Variants in ENTPD1 observed in about 807,000 individuals in gnomAD.
The protein encoded by ENTPD1 is ectonucleoside triphosphate diphosphohydrolase 1, also known as ATP diphosphohydrolase.
A neutral mutation model predicts 57.0 loss-of-function variants in ENTPD1; 33 were observed. The ratio of observed to expected loss-of-function variants is 0.58; its 90% confidence interval spans 0.44 to 0.77. ENTPD1 has a LOEUF of 0.77. ENTPD1 is among the 30% of genes least tolerant of loss of function. The probability of loss-of-function intolerance (pLI) is 0.00; values close to 1 mark genes in which losing one functional copy is unlikely to be tolerated. For synonymous variants in ENTPD1, 202 were observed against 218.8 expected (o/e 0.92, Z 0.68); for missense variants, 501 against 603.4 (o/e 0.83, Z 1.78).
intron 2 of ENTPD1, among the ~76,000 whole-genome samples, chr10:95,838,402 A>T (rs1014079902): frequency 6.6e-6 from 1 of 152,254 alleles, no homozygotes; most frequent in African/African-American, 2.4e-5. Flanking sequence ...AACTGGAAAT[A>T]ACCCGAATGT....
At chr10:95,709,595 G>T (rs896654741), upstream of ENTPD1, among the ~76,000 whole-genome samples, 1 of 151,950 alleles carries the variant, frequency 6.6e-6, no homozygotes, top group Non-Finnish European at 1.5e-5. Context: ...TGTTGGTCAG[G>T]CTGGTCTCAA....
At chr10:95,731,632 T>C (rs1339412985) in intron 1 of ENTPD1, among the ~76,000 whole-genome samples, 1 of 152,128 alleles carries the variant, frequency 6.6e-6, no homozygotes, top group Non-Finnish European at 1.5e-5. Flanking sequence ...TCTCTCTTTC[T>C]GTTCCCCTGA....
intron 1 of ENTPD1, among the ~76,000 whole-genome samples, chr10:95,782,762 T>C (rs1371085292): frequency 6.6e-6 from 1 of 152,202 alleles, no homozygotes; most frequent in African/African-American, 2.4e-5. Flanking sequence ...CAACAGTTTT[T>C]CTATTCTTTT....
intron 1 of ENTPD1, among the ~76,000 whole-genome samples, chr10:95,775,840 A>G (rs2098131747): frequency 6.6e-6 from 1 of 152,172 alleles, no homozygotes; most frequent in African/African-American, 2.4e-5. Flanking sequence ...GGGTGCATAT[A>G]TATTTAGGAT....
At chr10:95,763,277 T>C (rs187384421) in intron 1 of ENTPD1, among the ~76,000 whole-genome samples, 287 of 152,304 alleles carry the variant, frequency 1.9e-3, no homozygotes, top group African/African-American at 6.3e-3. Context: ...AACACATTTT[T>C]ATATGTGGTG....
In ENTPD1 at chr10:95,868,724, T is replaced by C. The variant is rs2098477090; in HGVS notation, c.*2341T>C. 10 of 984,926 alleles carry C rather than the reference T, an allele frequency of 1.0e-5. No homozygotes were observed. The South Asian group carries it at 1.9e-4, about 19-fold the overall frequency. 61.0% of individuals were successfully genotyped at this position (984,926 alleles called of 1,614,324 possible). ...ACTCATGTCTTCTGGTTGAAGCCTA[T>C]TGCTTTTTCTTTTCTAAACACTTTC... is the stretch of plus-strand genomic sequence containing the variant. On this transcript the variant is annotated 3_prime_UTR_variant, in exon 10 of 10. Transcript: ENST00000371205.
chr10:95,775,679 A>G (rs2098131202), intron 1 of ENTPD1, among the ~76,000 whole-genome samples: 1 of 152,166 alleles, frequency 6.6e-6, no homozygotes, highest in African/African-American at 2.4e-5. Flanking sequence ...GCTGAGTTCA[A>G]GTACTGGATA....
upstream of ENTPD1, chr10:95,755,979 C>T (rs1015038811): frequency 6.8e-7 from 1 of 1,465,018 alleles, no homozygotes; most frequent in Non-Finnish European, 9.0e-7. Context: ...CAAAAAATTA[C>T]AACCTGGAAA....
Position 95,874,448 on chromosome 10 carries a change from C to T in ENTPD1, c.*8065C>T, listed in dbSNP as rs954771088. On this transcript the variant is annotated 3_prime_UTR_variant, in exon 10 of 10. Transcript: ENST00000371205. ...GTTCCCATGGTCTTGTGCAGCTCCG[C>T]CCCTGTGGCTTTGCAGAGTACAGCC... Among the ~76,000 whole-genome samples, 5 of 152,328 alleles carry T rather than the reference C, an allele frequency of 3.3e-5. No individual in the cohort carries two copies. The East Asian group carries it at 9.6e-4, about 29-fold the overall frequency.
At chr10:95,821,111 G>A (rs1359641127) in intron 1 of ENTPD1, among the ~76,000 whole-genome samples, 1 of 152,152 alleles carries the variant, frequency 6.6e-6, no homozygotes, top group Non-Finnish European at 1.5e-5. Flanking sequence ...GCTGCTTAGG[G>A]CTGTGTTTGT....
At chr10:95,750,752 C>T (rs1042587895), upstream of ENTPD1, among the ~76,000 whole-genome samples, 15 of 152,264 alleles carry the variant, frequency 9.9e-5, no homozygotes, top group African/African-American at 2.4e-4. Flanking sequence ...TGGCCAGGCG[C>T]GGTGGCTCAC....
rs1474180885 is a variant in ENTPD1, at chr10:95,864,893, G to A, written c.1326+32G>A. ...TGGGGGCCTGTTGGGCTGGGGGGAG[G>A]TTGGGGTTCGGTGGTAGTGACTGAA... On this transcript the variant is annotated intron_variant, in intron 9 of 9. Transcript: ENST00000371205. 3 of 1,609,834 alleles carry A rather than the reference G, an allele frequency of 1.9e-6. No individual in the cohort carries two copies. In the South Asian group the frequency reaches 3.3e-5, roughly 18 times the overall value.
chr10:95,802,351 C>CAG (rs1358645613), intron 1 of ENTPD1, among the ~76,000 whole-genome samples: 4 of 152,094 alleles, frequency 2.6e-5, no homozygotes, highest in Admixed American at 6.5e-5. Context: ...TAGCACACCT[C>CAG]AGAGAGAGAG....
At chr10:95,706,259 A>G in the ENTPD1 span, among the ~76,000 whole-genome samples, 4 of 152,196 alleles carry the variant, frequency 2.6e-5, no homozygotes, top group African/African-American at 7.2e-5. Context: ...TGGGTTGTCA[A>G]TTTTCTTCCT....
At chr10:95,730,704 T>C (rs2097988245) in intron 1 of ENTPD1, among the ~76,000 whole-genome samples, 1 of 152,230 alleles carries the variant, frequency 6.6e-6, no homozygotes, top group Non-Finnish European at 1.5e-5. Flanking sequence ...TGGTAAATAT[T>C]TATGTAAATG....
chr10:95,777,686 G>T (rs1246037807), intron 1 of ENTPD1, among the ~76,000 whole-genome samples: 1 of 152,228 alleles, frequency 6.6e-6, no homozygotes, highest in Admixed American at 6.5e-5. Flanking sequence ...GCTCTCTTCA[G>T]AGCTGTTAGA....
intron 1 of ENTPD1, among the ~76,000 whole-genome samples, chr10:95,714,614 G>A (rs10882655): frequency 0.46 from 70,108 of 151,904 alleles, 16,586 homozygotes; most frequent in East Asian, 0.74. Flanking sequence ...AACACTTTAT[G>A]ATATTATGTA....
rs965914259 is a variant in ENTPD1 at position 95,845,831 on chromosome 10, C to G, written c.813+235C>G. 3 of 591,238 alleles carry G rather than the reference C, an allele frequency of 5.1e-6. No homozygotes were observed. In the South Asian group the frequency reaches 6.3e-5, roughly 12 times the overall value. The allele number at this position is 591,238 out of a possible 1,614,324, so 36.6% of individuals were successfully genotyped here. A position where few individuals can be genotyped will look rare whatever the true frequency, so the allele number is the denominator to read the frequency against. ...TCTCCACAGACACAACTGAGATCTTCTCTCAGGAAATAATTTCTCCCCCTC... is the reference window on the plus strand; with the variant it reads ...TCTCCACAGACACAACTGAGATCTTGTCTCAGGAAATAATTTCTCCCCCTC... On this transcript the variant is annotated intron_variant, in intron 6 of 9. Transcript: ENST00000371205.
intron 1 of ENTPD1, among the ~76,000 whole-genome samples, chr10:95,741,809 G>C (rs1484116948): frequency 1.3e-5 from 2 of 152,114 alleles, no homozygotes; most frequent in African/African-American, 4.8e-5. Flanking sequence ...AATCATCTTA[G>C]GTTAAGTAAT....
Sources: allele counts gnomAD v4.1 joint callset (sites outside exome capture counted in the v4.1 genomes callset), GRCh38; gene constraint gnomAD v4.1.1; transcripts MANE v1.5; gene names NCBI Gene and HGNC (gene_info 2026-07-23, HGNC 2026-07-21).